The following RNF111 variants were observed in gnomAD, a reference collection of about 807,000 sequenced individuals.
RNF111 encodes the protein E3 ubiquitin-protein ligase Arkadia.
RNF111 carries 17 observed loss-of-function variants against 95.1 expected under a neutral mutation model. The observed-to-expected ratio is 0.18, with a 90% confidence interval of 0.12 to 0.27. RNF111 has a LOEUF of 0.27. Among genes scored for constraint, RNF111 ranks in the 10% least tolerant of loss-of-function variants. The pLI, the probability that RNF111 is intolerant of heterozygous loss-of-function variation, is 1.00. For missense variants in RNF111, 1,189 were observed against 1,210.4 expected, an observed-to-expected ratio of 0.98 and a Z score of 0.26; for synonymous variants, 440 against 414.8, an observed-to-expected ratio of 1.06 and a Z score of -0.74.
chr15:59,072,451 T>C (rs1337773756), intron 6 of RNF111, among the ~76,000 whole-genome samples: 2 of 59,780 alleles, frequency 3.3e-5, no homozygotes, highest in South Asian at 4.6e-4. Context: ...CATTTCCATC[T>C]TTTTTTTTTT....
At chr15:58,991,386 T>C (rs1237222985) in intron 1 of RNF111, among the ~76,000 whole-genome samples, 1 of 152,226 alleles carries the variant, frequency 6.6e-6, no homozygotes, top group Non-Finnish European at 1.5e-5. Context: ...ATTTATTGAA[T>C]GTCTCATGTT....
At chr15:59,060,292 A>G (rs1240190552) in intron 5 of RNF111, among the ~76,000 whole-genome samples, 1 of 151,760 alleles carries the variant, frequency 6.6e-6, no homozygotes, top group African/African-American at 2.4e-5. Flanking sequence ...ATGTTATTGT[A>G]TATATTTTAA....
At chr15:59,005,259 A>G (rs1384460295) in intron 1 of RNF111, among the ~76,000 whole-genome samples, 1 of 152,174 alleles carries the variant, frequency 6.6e-6, no homozygotes, top group African/African-American at 2.4e-5. Context: ...ACTCCTGGGC[A>G]CAAGCAGTCC....
chr15:58,996,122 T>C (rs2141394701), intron 1 of RNF111, among the ~76,000 whole-genome samples: 1 of 152,278 alleles, frequency 6.6e-6, no homozygotes, highest in East Asian at 1.9e-4. Context: ...TGTTCTTAAT[T>C]GTGATCATAT....
intron 1 of RNF111, among the ~76,000 whole-genome samples, chr15:59,026,157 G>A (rs958217335): frequency 1.6e-4 from 25 of 152,110 alleles, no homozygotes; most frequent in African/African-American, 5.5e-4. Context: ...CAATAATAGT[G>A]TATCACAGTT....
chr15:59,044,866 T>C (rs1180004563), intron 2 of RNF111, among the ~76,000 whole-genome samples: 2 of 152,224 alleles, frequency 1.3e-5, no homozygotes, highest in African/African-American at 4.8e-5. Flanking sequence ...AAACACTGGA[T>C]TGTAGATGCC....
intron 1 of RNF111, among the ~76,000 whole-genome samples, chr15:59,020,146 GAT>G (rs2040265616): frequency 6.8e-6 from 1 of 147,666 alleles, no homozygotes; most frequent in Non-Finnish European, 1.5e-5. Context: ...ATATATGTTA[GAT>G]ATATAAAATT....
Position 59,078,552 on chromosome 15 carries a change from TAAAAAAAAAAAAAA to T in RNF111, c.1948+2347_1948+2360del, listed in dbSNP as rs56959347. On this transcript the variant is annotated intron_variant, in intron 7 of 13. Transcript: ENST00000348370. Reference sequence around the variant, plus strand: ...GGACAACATAGTGAGAACCTGTCTCTAAAAAAAAAAAAAAAAAAAAAAAGACCAGGCACAGTGGC... The same window carrying T: ...GGACAACATAGTGAGAACCTGTCTCTAAAAAAAAAGACCAGGCACAGTGGC... Among the ~76,000 whole-genome samples the T allele has an allele frequency of 2.8e-4, 26 of 94,476 alleles. No individual in the cohort carries two copies. In the Admixed American group the frequency reaches 3.0e-3, roughly 11 times the overall value. The allele number at this position is 94,476 out of a possible 152,430, so 62.0% of individuals were successfully genotyped here.
chr15:59,052,233 A>G, intron 2 of RNF111, 72 bp from the exon 3 acceptor site: 2 of 1,350,104 alleles, frequency 1.5e-6, no homozygotes, highest in Non-Finnish European at 2.0e-6. Flanking sequence ...CTTCAAAGTC[A>G]AAATAAAAAT....
chr15:59,085,266 C>A (rs1372072909), intron 9 of RNF111, among the ~76,000 whole-genome samples: 1 of 152,106 alleles, frequency 6.6e-6, no homozygotes, highest in African/African-American at 2.4e-5. Context: ...TGTCAACAAC[C>A]AAGAGATGAT....
chr15:58,991,295 A>G (rs1451233958), intron 1 of RNF111, among the ~76,000 whole-genome samples: 1 of 152,164 alleles, frequency 6.6e-6, no homozygotes, highest in Non-Finnish European at 1.5e-5. Context: ...ATCTTGAAAA[A>G]AAACAAAACA....
At chr15:59,061,874 A>G (rs1410510256) in intron 5 of RNF111, among the ~76,000 whole-genome samples, 1 of 152,090 alleles carries the variant, frequency 6.6e-6, no homozygotes, top group Admixed American at 6.6e-5. Flanking sequence ...ATGAATAAAC[A>G]TGATCTTTTA....
chr15:59,057,881 G>C (rs2042263032), intron 4 of RNF111, among the ~76,000 whole-genome samples: 1 of 152,146 alleles, frequency 6.6e-6, no homozygotes, highest in African/African-American at 2.4e-5. Flanking sequence ...ATGGAGAATG[G>C]TTAAATAACT....
At chr15:59,037,967 C>G (rs1436060606) in intron 2 of RNF111, among the ~76,000 whole-genome samples, 1 of 152,110 alleles carries the variant, frequency 6.6e-6, no homozygotes, top group Non-Finnish European at 1.5e-5. Context: ...GAAGTTTTGT[C>G]TATCTTGCTT....
chr15:59,047,809 G>A (rs955417460), intron 2 of RNF111, among the ~76,000 whole-genome samples: 1 of 152,096 alleles, frequency 6.6e-6, no homozygotes, highest in Admixed American at 6.5e-5. Context: ...TCCTTAGCTC[G>A]AGCAATCTGC....
chr15:59,017,365 A>G (rs1239973349), intron 1 of RNF111, among the ~76,000 whole-genome samples: 1 of 152,250 alleles, frequency 6.6e-6, no homozygotes, highest in Non-Finnish European at 1.5e-5. Flanking sequence ...AAAAAAATTA[A>G]TAGTTCAGTA....
Position 59,031,056 on chromosome 15 carries a change from G to C in RNF111, c.234G>C (p.Met78Ile), listed in dbSNP as rs772132642. Residue 78 changes from methionine to isoleucine, a missense_variant, in exon 2 of 14, where the codon ATG (methionine) becomes ATC (isoleucine). Met to Ile is a conservative substitution (Grantham distance 10). Coordinates refer to ENST00000348370, the MANE Select transcript of RNF111 (RefSeq NM_017610.8). Reference protein sequence around the residue: ...CDDSQKQEKEMNGNQQEQEKS... With the variant: ...CDDSQKQEKEINGNQQEQEKS... ...ATTCTCAAAAGCAAGAGAAGGAAAT[G>C]AATGGTAACCAGCAAGAACAAGAAA... The C allele has an allele frequency of 1.2e-6, 2 of 1,614,250 alleles. No individual in the cohort carries two copies. The highest frequency in any genetic ancestry group is 2.2e-5 in the South Asian group (2 of 91,076).
chr15:59,083,439 G>A (rs2078806053), intron 8 of RNF111, among the ~76,000 whole-genome samples: 2 of 151,942 alleles, frequency 1.3e-5, no homozygotes, highest in South Asian at 2.1e-4. Context: ...TTGAGAGGCT[G>A]AGGCAGGAGA....
intron 6 of RNF111, among the ~76,000 whole-genome samples, chr15:59,071,463 G>A (rs766691282): frequency 2.6e-5 from 4 of 152,030 alleles, no homozygotes; most frequent in African/African-American, 9.7e-5. Flanking sequence ...CGGGTGGATC[G>A]CTTGACCGCA....
Sources: gnomAD v4.1 joint callset for allele counts (sites outside exome capture counted in the v4.1 genomes callset) on GRCh38, gnomAD v4.1.1 for gene constraint, MANE v1.5 for transcripts, NCBI Gene and HGNC (gene_info 2026-07-23, HGNC 2026-07-21) for gene names.